The following PDIA4 variants were observed in gnomAD, a reference collection of about 807,000 sequenced individuals.
PDIA4 encodes protein disulfide-isomerase A4.
PDIA4 carries 33 observed loss-of-function variants against 62.1 expected under a neutral mutation model. The observed-to-expected ratio is 0.53, with a 90% CI of 0.40 to 0.71. The LOEUF is 0.71. Among genes scored for constraint, PDIA4 ranks in the 30% least tolerant of loss-of-function variants. The pLI, the probability that PDIA4 is intolerant of heterozygous loss-of-function variation, is 0.00. For missense variants in PDIA4, 804 were observed against 813.6 expected (o/e 0.99, Z 0.14); for synonymous variants, 341 against 324.1 (o/e 1.05, Z -0.56).
chr7:149,018,085 C>T (rs4725795), intron 3 of PDIA4, among the ~76,000 whole-genome samples: 99,421 of 151,790 alleles, frequency 0.65, 36,159 homozygotes, highest in South Asian at 0.82. Flanking sequence ...AAAAATTAGC[C>T]GGACGTGGTG....
In PDIA4 at chr7:149,004,042, C is replaced by T. The variant is rs374338308; in HGVS notation, c.1690G>A (p.Val564Met). ...WCGHCKQLEP[V>M]YNSLAKKYKG... ...TACTTCTTGGCCAGGCTGTTGTACA[C>T]GGGCTCTAGCTGCTTGCAGTGCCCG... The change falls in exon 10 of 10, where the codon GTG becomes ATG. Residue 564 changes from valine (V) to methionine (M), a missense_variant. Coordinates refer to ENST00000652332, the MANE Select transcript of PDIA4 (RefSeq NM_004911.5). 60 of 1,614,190 alleles carry T rather than the reference C, an allele frequency of 3.7e-5. No homozygotes were observed. In the South Asian group the frequency reaches 5.3e-4, roughly 14 times the overall value.
chr7:149,003,726 CGT>C lies in PDIA4; in HGVS notation c.*66_*67del. 1.6e-6 allele frequency: 2 copies of C among 1,238,924 alleles called. No homozygotes were observed. The highest frequency in any genetic ancestry group is 5.5e-5 in the Admixed American group (2 of 36,302). The allele number at this position is 1,238,924 out of a possible 1,614,324, so 76.7% of individuals were successfully genotyped here. ...TACTGTCGTTTGTTGCCGGCCTCGG[CGT>C]GGACGCCCCGACCATGGGCCACGCA... On this transcript the variant is annotated 3_prime_UTR_variant, in exon 10 of 10. Transcript: ENST00000652332.
In PDIA4 at chr7:149,012,011, G is replaced by A. The variant is rs1323627506; in HGVS notation, c.821-7C>T. On this transcript the variant is annotated splice_region_variant and splice_polypyrimidine_tract_variant and intron_variant, in intron 5 of 9. Coordinates refer to ENST00000652332, the MANE Select transcript of PDIA4 (RefSeq NM_004911.5). ...ATCATGTAATCAACGATTCCTGGGA[G>A]CAGGGCACACGCCTGAGCAGGGGCA... 1 of 1,592,078 alleles carries A rather than the reference G, an allele frequency of 6.3e-7. No individual in the cohort carries two copies. Among genetic ancestry groups the A allele is most frequent in the Non-Finnish European group, 8.6e-7 (1 of 1,167,624 alleles).
chr7:149,005,376 TG>T lies in PDIA4; in HGVS notation c.1289-3del, dbSNP rs766967228. On this transcript the variant is annotated splice_polypyrimidine_tract_variant and splice_region_variant and intron_variant, in intron 8 of 9. Coordinates refer to ENST00000652332, the MANE Select transcript of PDIA4 (RefSeq NM_004911.5). Reference sequence around the variant, plus strand: ...CTTTGCTCCGCCAAAACTGAGTTGCTGAAAGGGACCAAGGGCCATAAGCCAG... The same window carrying T: ...CTTTGCTCCGCCAAAACTGAGTTGCTAAAGGGACCAAGGGCCATAAGCCAG... 2.2e-5 allele frequency: 35 copies of T among 1,608,154 alleles called. No homozygotes were observed. In the African/African-American group the frequency reaches 4.3e-4, roughly 20 times the overall value.
intron 4 of PDIA4, among the ~76,000 whole-genome samples, chr7:149,013,907 C>G (rs1824036528): frequency 6.6e-6 from 1 of 152,170 alleles, no homozygotes; most frequent in African/African-American, 2.4e-5. Flanking sequence ...TGTGCAGCTG[C>G]CACTCTCCCT....
At chr7:149,026,081 G>C (rs1824542993) in intron 1 of PDIA4, among the ~76,000 whole-genome samples, 2 of 143,578 alleles carry the variant, frequency 1.4e-5, no homozygotes, top group Admixed American at 1.4e-4. Context: ...AAATGTAACA[G>C]AAGCAAAAAG....
intron 7 of PDIA4, among the ~76,000 whole-genome samples, chr7:149,007,287 C>T (rs555049898): frequency 1.3e-5 from 2 of 152,162 alleles, no homozygotes; most frequent in South Asian, 4.1e-4. Context: ...TGGTGCAGGC[C>T]CCCGGGATTC....
chr7:149,007,625 C>T (rs538998335), intron 7 of PDIA4, among the ~76,000 whole-genome samples: 23 of 152,368 alleles, frequency 1.5e-4, no homozygotes, highest in Non-Finnish European at 2.6e-4. Context: ...CACTGCCCCT[C>T]TAGGGCTGAG....
chr7:149,006,058 T>G lies in PDIA4; in HGVS notation c.1132-5A>C. On this transcript the variant is annotated splice_polypyrimidine_tract_variant and splice_region_variant and intron_variant, in intron 7 of 9. Transcript: ENST00000652332. ...GGCCGAGTCCTGGGTGGAGCCCTGCTTCAAAGAGGGAACAGGTGAGGGGGC... is the reference window on the plus strand; with the variant it reads ...GGCCGAGTCCTGGGTGGAGCCCTGCGTCAAAGAGGGAACAGGTGAGGGGGC... 1 of 1,554,498 alleles carries G rather than the reference T, an allele frequency of 6.4e-7. No homozygotes were observed. The highest frequency in any genetic ancestry group is 8.6e-7 in the Non-Finnish European group (1 of 1,158,676).
At chr7:149,016,264 C>T (rs756027184) in intron 3 of PDIA4, among the ~76,000 whole-genome samples, 5 of 152,216 alleles carry the variant, frequency 3.3e-5, no homozygotes, top group Non-Finnish European at 5.9e-5. Flanking sequence ...CACCACTGCA[C>T]ACTCCAGCCT....
chr7:149,028,143 C>A (rs906432474), intron 1 of PDIA4, among the ~76,000 whole-genome samples, 178 bp downstream of exon 1: 1 of 152,118 alleles, frequency 6.6e-6, no homozygotes, highest in Non-Finnish European at 1.5e-5. Context: ...CTGCCACTGC[C>A]ACAGCCACCG....
At chr7:149,014,552 T>TCCCTC (rs1200342100) in intron 4 of PDIA4, among the ~76,000 whole-genome samples, 4 of 151,600 alleles carry the variant, frequency 2.6e-5, no homozygotes, top group South Asian at 4.2e-4. Flanking sequence ...TGGTTGTGCG[T>TCCCTC]CCCTCCCCTC....
rs201327269 is a variant in PDIA4 at position 149,003,992 on chromosome 7, G to C, written c.1740C>G (p.Ile580Met). 1 of 1,613,794 alleles carries C rather than the reference G, an allele frequency of 6.2e-7. No individual in the cohort carries two copies. Among genetic ancestry groups the C allele is most frequent in the Non-Finnish European group, 8.5e-7 (1 of 1,179,706 alleles). The stretch of plus-strand genomic sequence containing the variant: ...CGTTGGCAGTGGCGTCCATCTTGGC[G>C]ATGACCAGGCCCTTTTGGCCCTTGT... Reference protein sequence around the residue: ...KKYKGQKGLVIAKMDATANDV... With the variant: ...KKYKGQKGLVMAKMDATANDV... The change falls in exon 10 of 10, where the codon ATC becomes ATG. Residue 580 changes from isoleucine to methionine, a missense_variant. By Grantham distance (10) the Ile-to-Met change is conservative (BLOSUM62 1). Coordinates refer to ENST00000652332, the MANE Select transcript of PDIA4 (RefSeq NM_004911.5).
intron 3 of PDIA4, among the ~76,000 whole-genome samples, chr7:149,015,465 T>C (rs1334157462): frequency 1.5e-5 from 2 of 137,610 alleles, no homozygotes; most frequent in South Asian, 2.3e-4. Context: ...CTAATGTTAC[T>C]ATATTACATA....
At chr7:149,014,551 G>A (rs1411119924) in intron 4 of PDIA4, among the ~76,000 whole-genome samples, 2 of 151,944 alleles carry the variant, frequency 1.3e-5, no homozygotes, top group Non-Finnish European at 1.5e-5. Flanking sequence ...CTGGTTGTGC[G>A]TCCCTCCCCT....
chr7:149,005,907 A>C lies in PDIA4; in HGVS notation c.1278T>G (p.Asp426Glu). ...GTGGGGGTCCCTCACCAGCTCTGTA[A>C]TCAAAGCTGAAGTCCACACTGTAGT... is the stretch of plus-strand genomic sequence containing the variant. ...VVYYSVDFSF[D>E]YRAATQFWRS... is the part of the protein sequence containing the mutation. Residue 426 changes from aspartate to glutamate, a missense_variant, in exon 8 of 10, where the codon GAT (aspartate) becomes GAG (glutamate). Coordinates refer to ENST00000652332, the MANE Select transcript of PDIA4 (RefSeq NM_004911.5). 6.6e-7 allele frequency: 1 copy of C among 1,512,796 alleles called. No individual in the cohort carries two copies. The highest frequency in any genetic ancestry group is 8.8e-7 in the Non-Finnish European group (1 of 1,139,334). 93.7% of individuals were successfully genotyped at this position (1,512,796 alleles called of 1,614,324 possible). A position where few individuals can be genotyped will look rare whatever the true frequency, so the allele number is the denominator to read the frequency against.
At chr7:149,027,068 T>C (rs1346754200) in intron 1 of PDIA4, among the ~76,000 whole-genome samples, 1 of 152,208 alleles carries the variant, frequency 6.6e-6, no homozygotes, top group African/African-American at 2.4e-5. Context: ...CCAAAAAGCA[T>C]CTTCCACCCA....
intron 1 of PDIA4, among the ~76,000 whole-genome samples, chr7:149,023,288 C>T (rs549942318): frequency 6.6e-6 from 1 of 152,302 alleles, no homozygotes; most frequent in African/African-American, 2.4e-5. Context: ...TCATTCTAGA[C>T]CCCCAAGAGG....
At chr7:149,028,099 G>A (rs1361066811) in intron 1 of PDIA4, 3 of 600,490 alleles carry the variant, frequency 5.0e-6, no homozygotes, top group Non-Finnish European at 9.1e-6. Context: ...AGAGACCCCG[G>A]CCACCTTCCT....
Sources: gnomAD v4.1 joint callset for allele counts (sites outside exome capture counted in the v4.1 genomes callset) on GRCh38, gnomAD v4.1.1 for gene constraint, MANE v1.5 for transcripts, NCBI Gene and HGNC (gene_info 2026-07-23, HGNC 2026-07-21) for gene names.